SARM1: variants seen among roughly 807,000 people sequenced by gnomAD.
SARM1 encodes NAD(+) hydrolase SARM1.
SARM1 carries 60 observed loss-of-function variants against 65.1 expected under a neutral mutation model. The ratio of observed to expected loss-of-function variants is 0.92; its 90% CI spans 0.75 to 1.14. The LOEUF is 1.14. SARM1 is among the 50% of genes most tolerant of loss of function. The probability of loss-of-function intolerance (pLI) is 0.00; values close to 1 mark genes in which losing one functional copy is unlikely to be tolerated. For synonymous variants in SARM1, 417 were observed against 465.4 expected (o/e 0.90, Z 1.34); for missense variants, 913 against 1,015.7 (o/e 0.90, Z 1.37).
Position 28,385,398 on chromosome 17 carries a change from G to A in SARM1, c.1630+123G>A. On this transcript the variant is annotated intron_variant, in intron 5 of 8. Coordinates refer to ENST00000585482, the MANE Select transcript of SARM1 (RefSeq NM_015077.4). The surrounding 1 kb of genome is among the most constrained non-coding windows in gnomAD (Gnocchi z 4.5). ...GTGGATTGATTGAGCACAAACGTGG[G>A]TCACACTGGGCTCTGAGGATGTAAA... 1.4e-6 allele frequency: 1 copy of A among 724,218 alleles called. No individual in the cohort carries two copies. The highest frequency in any genetic ancestry group is 2.2e-6 in the Non-Finnish European group (1 of 450,244). 44.9% of individuals were successfully genotyped at this position (724,218 alleles called of 1,614,324 possible).
At chr17:28,389,327 A>G (rs541633335) in intron 7 of SARM1, among the ~76,000 whole-genome samples, 1 of 152,344 alleles carries the variant, frequency 6.6e-6, no homozygotes, top group African/African-American at 2.4e-5. Context: ...GCTGGCACAT[A>G]GTAACTGCTC....
Position 28,384,726 on chromosome 17 carries a change from C to A in SARM1, c.1303-113C>A, listed in dbSNP as rs543299522. 40 of 1,229,782 alleles carry A rather than the reference C, an allele frequency of 3.3e-5. No individual in the cohort carries two copies. Among genetic ancestry groups the A allele is most frequent in the Middle Eastern group, 3.8e-4 (2 of 5,220 alleles). 76.2% of individuals were successfully genotyped at this position (1,229,782 alleles called of 1,614,324 possible). A position where few individuals can be genotyped will look rare whatever the true frequency, so the allele number is the denominator to read the frequency against. On this transcript the variant is annotated intron_variant, in intron 3 of 8. Coordinates refer to ENST00000585482, the MANE Select transcript of SARM1 (RefSeq NM_015077.4). The surrounding 1 kb of genome is among the most constrained non-coding windows in gnomAD (Gnocchi z 4.4). ...ACCGTTAGGGTCACTCGGCTCTGAT[C>A]TAGGTCCCATCCGCCTCCTCCACGC...
rs1467944039 is a variant in SARM1, at chr17:28,381,273, G to C, written c.541G>C (p.Ala181Pro). The change falls in exon 2 of 9, where the codon GCG becomes CCG. Residue 181 changes from alanine (A) to proline (P), a missense_variant. Ala to Pro is a conservative substitution (Grantham distance 27). This residue lies in a region of SARM1 where 862 missense variants were observed against 952.1 expected (regional missense o/e 0.91). Coordinates refer to ENST00000585482, the MANE Select transcript of SARM1 (RefSeq NM_015077.4). ...LAKEREPVEL[A>P]RSVAGILEHM... ...GAAGGAACGCGAACCCGTAGAGCTG[G>C]CGCGGAGCGTGGCAGGCATCTTGGA... 6.2e-7 allele frequency: 1 copy of C among 1,609,260 alleles called. No homozygotes were observed. Among genetic ancestry groups the C allele is most frequent in the Non-Finnish European group, 8.5e-7 (1 of 1,178,138 alleles).
In SARM1 at chr17:28,371,845, C is replaced by A; in HGVS notation, c.-188C>A. On this transcript the variant is annotated 5_prime_UTR_variant, in exon 1 of 9. Coordinates refer to ENST00000585482, the MANE Select transcript of SARM1 (RefSeq NM_015077.4). Reference sequence around the variant, plus strand: ...GGGCCTGCATCACCTTTGCCAACCGCTCCCCCGATCCTGCCGACACTCCTC... The same window carrying A: ...GGGCCTGCATCACCTTTGCCAACCGATCCCCCGATCCTGCCGACACTCCTC... The A allele has an allele frequency of 2.2e-6, 1 of 462,866 alleles. No individual in the cohort carries two copies. Among genetic ancestry groups the A allele is most frequent in the Non-Finnish European group, 3.8e-6 (1 of 263,752 alleles). 28.7% of individuals were successfully genotyped at this position (462,866 alleles called of 1,614,324 possible).
At position 28,381,399 on chromosome 17, in the gene SARM1, C is replaced by T. The variant is rs782636626; in HGVS notation, c.667C>T (p.Leu223=). Residue 223 remains leucine, a synonymous_variant, in exon 2 of 9, where the codon CTG becomes TTG. Transcript: ENST00000585482. ...GTGCCGCCGCACGGACCCCGCGCTG[C>T]TGCGCCACTGCGCGCTGGCGCTGGG... ...YWCRRTDPAL[L]RHCALALGNC... 2.1e-5 allele frequency: 32 copies of T among 1,550,038 alleles called. No homozygotes were observed. The highest frequency in any genetic ancestry group is 2.8e-5 in the Non-Finnish European group (32 of 1,147,854).
In SARM1 at chr17:28,388,493, T is replaced by C. The variant is rs368394015; in HGVS notation, c.1877T>C (p.Leu626Pro). ...NFVLVLSPGA[L>P]DKCMQDHDCK... ...GTGTTGGTGCTATCACCTGGAGCACTGGACAAGTGCATGCAAGACCATGAC... is the reference window on the plus strand; with the variant it reads ...GTGTTGGTGCTATCACCTGGAGCACCGGACAAGTGCATGCAAGACCATGAC... Residue 626 changes from leucine (L) to proline (P), a missense_variant, in exon 7 of 9, where the codon CTG becomes CCG. Leu to Pro is a moderately conservative substitution (Grantham distance 98, BLOSUM62 -3). Coordinates refer to ENST00000585482, the MANE Select transcript of SARM1 (RefSeq NM_015077.4). The C allele has an allele frequency of 1.4e-5, 22 of 1,613,908 alleles. No individual in the cohort carries two copies. The highest frequency in any genetic ancestry group is 1.5e-5 in the Non-Finnish European group (18 of 1,179,882).
In SARM1 at chr17:28,372,196, C is replaced by CG; in HGVS notation, c.169dup (p.Ala57GlyfsTer99). On this transcript the variant is annotated frameshift_variant, in exon 1 of 9. Coordinates refer to ENST00000585482, the MANE Select transcript of SARM1 (RefSeq NM_015077.4). LOFTEE classifies it high-confidence loss of function. The surrounding 1 kb of genome is among the most constrained non-coding windows in gnomAD (Gnocchi z 5.2). ...GGCCGCGGGCCCCGCGAAGTGTCGC[C>CG]GGGGGCAGGCACCGAGGTGCAGGAC... is the stretch of plus-strand genomic sequence containing the variant. The CG allele has an allele frequency of 7.3e-7, 1 of 1,366,584 alleles. No homozygotes were observed. The highest frequency in any genetic ancestry group is 1.8e-5 in the South Asian group (1 of 56,250). 84.7% of individuals were successfully genotyped at this position (1,366,584 alleles called of 1,614,324 possible). A position where few individuals can be genotyped will look rare whatever the true frequency, so the allele number is the denominator to read the frequency against.
chr17:28,371,849 C>T lies in SARM1; in HGVS notation c.-184C>T. ...CTGCATCACCTTTGCCAACCGCTCC[C>T]CCGATCCTGCCGACACTCCTCCCCC... On this transcript the variant is annotated 5_prime_UTR_variant, in exon 1 of 9. Coordinates refer to ENST00000585482, the MANE Select transcript of SARM1 (RefSeq NM_015077.4). The T allele has an allele frequency of 2.1e-6, 1 of 466,124 alleles. No homozygotes were observed. The highest frequency in any genetic ancestry group is 3.8e-6 in the Non-Finnish European group (1 of 266,308). The allele number at this position is 466,124 out of a possible 1,614,324, so 28.9% of individuals were successfully genotyped here.
At chr17:28,394,324 G>T (rs1256616931) in intron 7 of SARM1, among the ~76,000 whole-genome samples, 5 of 152,222 alleles carry the variant, frequency 3.3e-5, no homozygotes, top group African/African-American at 1.2e-4. Context: ...GTGGGGTGGA[G>T]GTAGGGAAAA....
intron 7 of SARM1, among the ~76,000 whole-genome samples, chr17:28,389,123 C>G (rs1367780117): frequency 6.6e-6 from 1 of 152,154 alleles, no homozygotes; most frequent in Non-Finnish European, 1.5e-5. Flanking sequence ...AGCATAGCGA[C>G]AGGCAGAATG....
chr17:28,388,447 G>T lies in SARM1; in HGVS notation c.1831G>T (p.Val611Phe). The change falls in exon 7 of 9, where the codon GTC (valine) becomes TTC (phenylalanine). Residue 611 changes from valine (V) to phenylalanine (F), a missense_variant. Physicochemically the swap from Val to Phe is conservative, Grantham distance 50. This residue lies in a region of SARM1 where 862 missense variants were observed against 952.1 expected (regional missense o/e 0.91). Coordinates refer to ENST00000585482, the MANE Select transcript of SARM1 (RefSeq NM_015077.4). ...GKFEDKLIQS[V>F]MGARNFVLVL... is the part of the protein sequence containing the mutation. ...GTTCGAGGACAAACTCATCCAGAGTGTCATGGGTGCCCGCAACTTTGTGTT... is the reference window on the plus strand; with the variant it reads ...GTTCGAGGACAAACTCATCCAGAGTTTCATGGGTGCCCGCAACTTTGTGTT... 1 of 1,614,012 alleles carries T rather than the reference G, an allele frequency of 6.2e-7. No homozygotes were observed. The highest frequency in any genetic ancestry group is 8.5e-7 in the Non-Finnish European group (1 of 1,179,894).
intron 7 of SARM1, among the ~76,000 whole-genome samples, chr17:28,393,794 T>C (rs2068093695): frequency 6.6e-6 from 1 of 152,122 alleles, no homozygotes; most frequent in Non-Finnish European, 1.5e-5. Flanking sequence ...AGATATAAGG[T>C]CAGTGAAAAA....
Position 28,402,378 on chromosome 17 carries a change from G to A in SARM1, c.*6092G>A. On this transcript the variant is annotated 3_prime_UTR_variant, in exon 9 of 9. Transcript: ENST00000585482. ...GGGGCTGGGGAGAGGGGCGTCCAAG[G>A]GAAAGGCAGCAGAGCTCCTATCCAT... 1 of 1,478,836 alleles carries A rather than the reference G, an allele frequency of 6.8e-7. No homozygotes were observed. 91.6% of individuals were successfully genotyped at this position (1,478,836 alleles called of 1,614,324 possible). A position where few individuals can be genotyped will look rare whatever the true frequency, so the allele number is the denominator to read the frequency against.
chr17:28,391,078 T>C (rs1285838518), intron 7 of SARM1, among the ~76,000 whole-genome samples: 4 of 151,994 alleles, frequency 2.6e-5, no homozygotes, highest in Non-Finnish European at 5.9e-5. Flanking sequence ...GGTGATGGGG[T>C]AGGGCTGGAT....
rs369804438 is a variant in SARM1 at position 28,384,450 on chromosome 17, C to T, written c.1183C>T (p.Arg395Cys). ...TKSALAKRALRLLGEEVPRPI... is the reference protein window; with the variant it reads ...TKSALAKRALCLLGEEVPRPI... ...GTCGGCGCTGGCCAAGCGCGCGCTG[C>T]GCCTGCTGGGCGAGGAGGTGCCACG... is the stretch of plus-strand genomic sequence containing the variant. Residue 395 changes from arginine (R) to cysteine (C), a missense_variant, in exon 3 of 9, where the codon CGC (arginine) becomes TGC (cysteine). Transcript: ENST00000585482. The surrounding 1 kb of genome is among the most constrained non-coding windows in gnomAD (Gnocchi z 4.4). 3.8e-5 allele frequency: 61 copies of T among 1,613,288 alleles called. No individual in the cohort carries two copies. The African/African-American group carries it at 7.9e-4, about 21-fold the overall frequency.
chr17:28,391,325 G>A lies in SARM1; in HGVS notation c.1923+2786G>A, dbSNP rs186786378. ...GCTGGATAAGAACCATGGAAACCAG[G>A]TAAAGCAGTGTCTAAAGGCAGGAGA... On this transcript the variant is annotated intron_variant, in intron 7 of 8. Coordinates refer to ENST00000585482, the MANE Select transcript of SARM1 (RefSeq NM_015077.4). 5.2e-3 allele frequency among the ~76,000 whole-genome samples: 796 copies of A among 152,300 alleles called. 6 individuals carry two copies. The highest frequency in any genetic ancestry group is 0.018 in the African/African-American group (766 of 41,548).
At chr17:28,376,948 C>T (rs2067994005) in intron 1 of SARM1, among the ~76,000 whole-genome samples, 1 of 151,722 alleles carries the variant, frequency 6.6e-6, no homozygotes, top group Non-Finnish European at 1.5e-5. Context: ...TGCTACCACG[C>T]CCAGTTAGTT....
Position 28,403,765 on chromosome 17 carries a change from C to T in SARM1, c.*7479C>T, listed in dbSNP as rs1478829900. ...CGGTGGCTCATGCCTGTAATCCCAA[C>T]ACTTTGGGAGGCTGAGGCAGGCGGA... On this transcript the variant is annotated 3_prime_UTR_variant, in exon 9 of 9. Coordinates refer to ENST00000585482, the MANE Select transcript of SARM1 (RefSeq NM_015077.4). 1.3e-5 allele frequency: 2 copies of T among 152,214 alleles called. No individual in the cohort carries two copies. Among genetic ancestry groups the T allele is most frequent in the Non-Finnish European group, 2.9e-5 (2 of 68,064 alleles). 9.4% of individuals were successfully genotyped at this position (152,214 alleles called of 1,614,324 possible).
At chr17:28,389,861 G>A (rs111769279) in intron 7 of SARM1, among the ~76,000 whole-genome samples, 1 of 152,334 alleles carries the variant, frequency 6.6e-6, no homozygotes, top group African/African-American at 2.4e-5. Context: ...AACAGAGTGG[G>A]ACCCTGTCTC....
Sources: gnomAD v4.1 joint callset for allele counts (sites outside exome capture counted in the v4.1 genomes callset) on GRCh38, gnomAD v4.1.1 for gene constraint, gnomAD v4.1.1 regional missense constraint, Gnocchi (gnomAD v3.1) non-coding constraint, MANE v1.5 for transcripts, NCBI Gene and HGNC (gene_info 2026-07-23, HGNC 2026-07-21) for gene names.